The following EIF4B variants were observed in gnomAD, a reference collection of about 807,000 sequenced individuals.
EIF4B encodes eukaryotic translation initiation factor 4B.
Under a neutral mutation model 79.3 loss-of-function variants are expected in EIF4B, and 8 were observed. That is an observed-to-expected ratio of 0.10 (90% CI 0.06 to 0.18). The LOEUF (loss-of-function observed/expected upper bound fraction) is 0.18, where lower values mean the gene tolerates loss of function less well. Ranked by LOEUF, EIF4B falls within the 10% of genes least tolerant of loss-of-function variation. The pLI is 1.00. For synonymous variants in EIF4B, 238 were observed against 274.7 expected, an observed-to-expected ratio of 0.87 and a Z score of 1.32; for missense variants, 515 against 792.4, an observed-to-expected ratio of 0.65 and a Z score of 4.20.
intron 3 of EIF4B, among the ~76,000 whole-genome samples, chr12:53,019,431 A>ATTTTTTTTTTTTTTTT (rs1555151903): frequency 5.7e-5 from 2 of 35,176 alleles, no homozygotes; most frequent in Non-Finnish European, 1.8e-4. Context: ...AATTATATAT[A>ATTTTTTTTTTTTTTTT]TATATATTTT....
At chr12:53,029,120 CA>C (rs35596570) in intron 8 of EIF4B, among the ~76,000 whole-genome samples, 14 of 145,054 alleles carry the variant, frequency 9.7e-5, no homozygotes, top group Middle Eastern at 7.1e-3. Context: ...GAGACTGTCT[CA>C]AAAAAAAAAA....
At chr12:53,015,699 C>T (rs1239539890) in intron 1 of EIF4B, among the ~76,000 whole-genome samples, 1 of 148,892 alleles carries the variant, frequency 6.7e-6, no homozygotes, top group Admixed American at 6.7e-5. Context: ...AAAATGGGGC[C>T]GGGTGTGGCG....
chr12:53,027,021 G>A (rs374193149), intron 6 of EIF4B, among the ~76,000 whole-genome samples: 10 of 151,312 alleles, frequency 6.6e-5, no homozygotes, highest in South Asian at 2.1e-4. Context: ...TGGGTGTTAC[G>A]GCTCAGGCCT....
chr12:53,007,733 A>G (rs1406458927), intron 1 of EIF4B, among the ~76,000 whole-genome samples: 2 of 152,184 alleles, frequency 1.3e-5, no homozygotes, highest in East Asian at 1.9e-4. Context: ...CATCGTCTCT[A>G]TTACAAAGAA....
intron 4 of EIF4B, 120 bp from the exon 5 acceptor site, chr12:53,021,686 C>T (rs1301752340): frequency 5.3e-6 from 6 of 1,140,234 alleles, no homozygotes; most frequent in Non-Finnish European, 8.0e-6. Context: ...AGCTAGATTA[C>T]AGTGTTTTCC....
rs1356407159 is a variant in EIF4B, at chr12:53,042,140, G to T, written c.*1917G>T. On this transcript the variant is annotated 3_prime_UTR_variant, in exon 15 of 15. Coordinates refer to ENST00000262056, the MANE Select transcript of EIF4B (RefSeq NM_001417.7). The stretch of plus-strand genomic sequence containing the variant: ...AGACTTATTACCTGGGAGATGTCTT[G>T]ATGTAAAATCCCATCCTTTGGGTTG... 1.3e-5 allele frequency: 2 copies of T among 152,590 alleles called. No homozygotes were observed. The highest frequency in any genetic ancestry group is 2.9e-5 in the Non-Finnish European group (2 of 68,026). 9.5% of individuals were successfully genotyped at this position (152,590 alleles called of 1,614,324 possible).
chr12:53,020,800 G>A (rs1943235601), intron 4 of EIF4B, among the ~76,000 whole-genome samples: 1 of 152,026 alleles, frequency 6.6e-6, no homozygotes, highest in African/African-American at 2.4e-5. Flanking sequence ...AAAAATTAAT[G>A]TACTTAGTTA....
At chr12:53,029,372 A>ATTTTTT (rs1240569005) in intron 8 of EIF4B, among the ~76,000 whole-genome samples, 1 of 81,058 alleles carries the variant, frequency 1.2e-5, no homozygotes, top group Non-Finnish European at 2.8e-5. Flanking sequence ...TCCTTTTTTT[A>ATTTTTT]TTTTATTTTT....
chr12:53,027,343 AG>A (rs1277589840), intron 6 of EIF4B, among the ~76,000 whole-genome samples: 1 of 151,200 alleles, frequency 6.6e-6, no homozygotes, highest in East Asian at 1.9e-4. Flanking sequence ...CATGTTGGCC[AG>A]GATGGTCTCG....
At chr12:53,014,226 C>A (rs995376820) in intron 1 of EIF4B, among the ~76,000 whole-genome samples, 10 of 151,606 alleles carry the variant, frequency 6.6e-5, no homozygotes, top group Non-Finnish European at 1.3e-4. Flanking sequence ...TCAAGACCAT[C>A]CTGGCTAACA....
chr12:53,040,011 A>G (rs118039944), intron 14 of EIF4B, 132 bp from the exon 15 acceptor site: 15,723 of 1,022,908 alleles, frequency 0.015, 187 homozygotes, highest in Middle Eastern at 0.041. Flanking sequence ...CCAATGGACA[A>G]TGCTGATGAG....
intron 13 of EIF4B, 85 bp downstream of exon 13, chr12:53,039,428 C>T: frequency 7.9e-7 from 1 of 1,264,582 alleles, no homozygotes; most frequent in Non-Finnish European, 1.1e-6. Flanking sequence ...CAGAGCACTG[C>T]CAGATCGCTC....
chr12:53,008,938 G>A (rs1432637672), intron 1 of EIF4B, among the ~76,000 whole-genome samples: 1 of 152,172 alleles, frequency 6.6e-6, no homozygotes, highest in Non-Finnish European at 1.5e-5. Flanking sequence ...CGGAGGCTGA[G>A]GCAGGAGAAT....
intron 8 of EIF4B, among the ~76,000 whole-genome samples, chr12:53,031,352 C>G (rs1304829983): frequency 6.6e-6 from 1 of 152,206 alleles, no homozygotes; most frequent in East Asian, 1.9e-4. Context: ...TCATGGTTAA[C>G]TGTAGCCTCA....
chr12:53,011,847 GGTTTT>G (rs908425306), intron 1 of EIF4B, among the ~76,000 whole-genome samples: 5 of 152,150 alleles, frequency 3.3e-5, no homozygotes, highest in African/African-American at 9.7e-5. Flanking sequence ...AATTGGGACA[GGTTTT>G]GTTTTGTGAG....
At chr12:53,011,628 A>G (rs1193653244) in intron 1 of EIF4B, among the ~76,000 whole-genome samples, 1 of 152,262 alleles carries the variant, frequency 6.6e-6, no homozygotes, top group Non-Finnish European at 1.5e-5. Flanking sequence ...GTGCTGAGAT[A>G]GAGAAACTCT....
chr12:53,027,021 G>T (rs374193149), intron 6 of EIF4B, among the ~76,000 whole-genome samples: 1 of 151,312 alleles, frequency 6.6e-6, no homozygotes, highest in Admixed American at 6.6e-5. Context: ...TGGGTGTTAC[G>T]GCTCAGGCCT....
chr12:53,039,519 G>A (rs1299743195), intron 13 of EIF4B, 111 bp from the exon 14 acceptor site: 7 of 1,323,138 alleles, frequency 5.3e-6, no homozygotes, highest in Non-Finnish European at 7.3e-6. Context: ...CAGACAACAA[G>A]GACTGTTGAC....
intron 5 of EIF4B, 190 bp downstream of exon 5, chr12:53,022,050 G>A: frequency 3.0e-6 from 2 of 666,736 alleles, no homozygotes; most frequent in South Asian, 1.9e-5. Flanking sequence ...CAATTGGAGG[G>A]AGTGCTGCTG....
Sources: allele counts gnomAD v4.1 joint callset (sites outside exome capture counted in the v4.1 genomes callset), GRCh38; gene constraint gnomAD v4.1.1; transcripts MANE v1.5; gene names NCBI Gene and HGNC (gene_info 2026-07-23, HGNC 2026-07-21).